Variants in GRIA2 observed in about 807,000 individuals in gnomAD.
The protein encoded by GRIA2 is glutamate receptor 2.
GRIA2 carries 14 observed loss-of-function variants against 97.3 expected under a neutral mutation model. The observed-to-expected ratio is 0.14, with a 90% CI of 0.10 to 0.23. The LOEUF is 0.23. Ranked by LOEUF, GRIA2 falls within the 10% of genes least tolerant of loss-of-function variation. The probability of loss-of-function intolerance (pLI) is 1.00; values close to 1 mark genes in which losing one functional copy is unlikely to be tolerated. For missense variants in GRIA2, 558 were observed against 1,069.8 expected (o/e 0.52, Z 6.67); for synonymous variants, 412 against 387.8 (o/e 1.06, Z -0.73).
rs1734861469 is a variant in GRIA2, at chr4:157,327,605, A to G, written c.883-5214A>G. Among the ~76,000 whole-genome samples the G allele has an allele frequency of 5.3e-5, 8 of 152,172 alleles. No individual in the cohort carries two copies. The South Asian group carries it at 1.7e-3, about 31-fold the overall frequency. On this transcript the variant is annotated intron_variant, in intron 6 of 15. Transcript: ENST00000264426. ...ATTTTTAGTATTTTTAATGTCTCCAACATCGTGTAAGGTATGACTAGCCAT... is the reference window on the plus strand; with the variant it reads ...ATTTTTAGTATTTTTAATGTCTCCAGCATCGTGTAAGGTATGACTAGCCAT...
chr4:157,326,344 T>A (rs1023856449), intron 6 of GRIA2, among the ~76,000 whole-genome samples: 3 of 152,170 alleles, frequency 2.0e-5, no homozygotes, highest in Non-Finnish European at 4.4e-5. Context: ...TACCTTTTAG[T>A]TTACTGTTCT....
rs923233544 is a variant in GRIA2 at position 157,274,785 on chromosome 4, G to A, written c.230-28767G>A. Among the ~76,000 whole-genome samples the A allele has an allele frequency of 2.4e-3, 371 of 151,768 alleles. 2 individuals carry two copies. The highest frequency in any genetic ancestry group is 4.0e-3 in the Non-Finnish European group (272 of 67,924). ...TCTATCATTGTTGGACATTTGGGTT[G>A]GTTCCAAGTCTTTGCTATTGTGAAT... On this transcript the variant is annotated intron_variant, in intron 2 of 15. Coordinates refer to ENST00000264426, the MANE Select transcript of GRIA2 (RefSeq NM_001083619.3).
chr4:157,229,894 A>C (rs1181945309), intron 2 of GRIA2, among the ~76,000 whole-genome samples: 1 of 152,160 alleles, frequency 6.6e-6, no homozygotes, highest in Non-Finnish European at 1.5e-5. Context: ...GAACCTGAGA[A>C]GGTACTCCTG....
chr4:157,288,319 A>G (rs1278539981), intron 2 of GRIA2, among the ~76,000 whole-genome samples: 2 of 151,690 alleles, frequency 1.3e-5, no homozygotes, highest in Non-Finnish European at 3.0e-5. Flanking sequence ...TACATTTTTT[A>G]GGTACTAACC....
At chr4:157,358,418 G>A (rs1280690698) in intron 12 of GRIA2, among the ~76,000 whole-genome samples, 2 of 152,136 alleles carry the variant, frequency 1.3e-5, no homozygotes, top group African/African-American at 4.8e-5. Flanking sequence ...CAGAAAGAAA[G>A]CTTGATTCAC....
chr4:157,296,682 G>A (rs1300497127), intron 2 of GRIA2, among the ~76,000 whole-genome samples: 1 of 152,114 alleles, frequency 6.6e-6, no homozygotes, highest in Non-Finnish European at 1.5e-5. Flanking sequence ...ACATAGAGCT[G>A]GGCTTCCGAT....
chr4:157,256,241 TATATA>T, intron 2 of GRIA2, among the ~76,000 whole-genome samples: 1 of 99,696 alleles, frequency 1.0e-5, no homozygotes, highest in South Asian at 2.6e-4. Context: ...ATAATATATA[TATATA>T]ATATATAAAT....
At chr4:157,270,489 CA>C (rs1380031978) in intron 2 of GRIA2, among the ~76,000 whole-genome samples, 11 of 152,068 alleles carry the variant, frequency 7.2e-5, no homozygotes, top group Non-Finnish European at 1.0e-4. Context: ...TAAATATCAC[CA>C]AACAAATTAT....
At chr4:157,226,485 G>A (rs1197258092) in intron 2 of GRIA2, among the ~76,000 whole-genome samples, 1 of 152,038 alleles carries the variant, frequency 6.6e-6, no homozygotes, top group Admixed American at 6.5e-5. Flanking sequence ...TTAGAGGAGA[G>A]AGAATTCTAA....
chr4:157,246,869 T>C (rs566263648), intron 2 of GRIA2, among the ~76,000 whole-genome samples: 14 of 152,274 alleles, frequency 9.2e-5, no homozygotes, highest in African/African-American at 2.6e-4. Flanking sequence ...ATGTATTAAA[T>C]GTACTTGTTC....
At chr4:157,253,228 C>A (rs1234524093) in intron 2 of GRIA2, among the ~76,000 whole-genome samples, 2 of 151,774 alleles carry the variant, frequency 1.3e-5, no homozygotes, top group African/African-American at 4.8e-5. Context: ...GCCATCCTCC[C>A]ACTTCATCCT....
At chr4:157,234,164 T>C (rs1730141184) in intron 2 of GRIA2, among the ~76,000 whole-genome samples, 1 of 152,134 alleles carries the variant, frequency 6.6e-6, no homozygotes, top group African/African-American at 2.4e-5. Flanking sequence ...GATGTAATTA[T>C]CAGGTTTAAA....
At chr4:157,299,765 C>A (rs1261961133) in intron 2 of GRIA2, among the ~76,000 whole-genome samples, 1 of 152,158 alleles carries the variant, frequency 6.6e-6, no homozygotes. Context: ...GAAGGACTTG[C>A]CCTTTGCTGA....
chr4:157,323,906 CAG>C (rs943775352), intron 6 of GRIA2, among the ~76,000 whole-genome samples: 11 of 152,240 alleles, frequency 7.2e-5, no homozygotes, highest in African/African-American at 2.6e-4. Flanking sequence ...TGCCCATTTT[CAG>C]AGAGATCATT....
chr4:157,231,639 T>C lies in GRIA2; in HGVS notation c.229+9832T>C, dbSNP rs180883814. 1.4e-4 allele frequency among the ~76,000 whole-genome samples: 22 copies of C among 152,292 alleles called. No individual in the cohort carries two copies. The East Asian group carries it at 4.1e-3, about 28-fold the overall frequency. ...TACAATATGGAATGTACGACTAGAC[T>C]GCATTTTATAGGGAGCATGGAATGT... On this transcript the variant is annotated intron_variant, in intron 2 of 15. Transcript: ENST00000264426.
intron 12 of GRIA2, among the ~76,000 whole-genome samples, chr4:157,351,535 T>C (rs1335377160): frequency 2.0e-5 from 3 of 152,222 alleles, no homozygotes; most frequent in Non-Finnish European, 4.4e-5. Context: ...TCATTGTTTT[T>C]TAAGCATAAA....
chr4:157,263,542 G>A (rs1392751289), intron 2 of GRIA2, among the ~76,000 whole-genome samples: 2 of 151,908 alleles, frequency 1.3e-5, no homozygotes, highest in Non-Finnish European at 2.9e-5. Context: ...AAATATGGTC[G>A]ACCAGGTGGG....
At chr4:157,338,220 TAAA>T (rs960873176) in intron 11 of GRIA2, among the ~76,000 whole-genome samples, 6 of 151,662 alleles carry the variant, frequency 4.0e-5, no homozygotes, top group African/African-American at 7.3e-5. Context: ...CATAAAATGA[TAAA>T]GAAGTGGTTC....
At position 157,253,792 on chromosome 4, in the gene GRIA2, G is replaced by A. The variant is rs576303440; in HGVS notation, c.229+31985G>A. On this transcript the variant is annotated intron_variant, in intron 2 of 15. Transcript: ENST00000264426. ...AATTTCACTGGGAATTTTAACTAGT[G>A]CTGAGACAAGCTCATTAATGTTTGT... Among the ~76,000 whole-genome samples the A allele has an allele frequency of 2.0e-5, 3 of 152,102 alleles. No individual in the cohort carries two copies. The East Asian group carries it at 5.8e-4, about 29-fold the overall frequency.
Sources: allele counts gnomAD v4.1 joint callset (sites outside exome capture counted in the v4.1 genomes callset), GRCh38; gene constraint gnomAD v4.1.1; transcripts MANE v1.5; gene names NCBI Gene and HGNC (gene_info 2026-07-23, HGNC 2026-07-21).